GRID2: variants seen among roughly 807,000 people sequenced by gnomAD.
The protein encoded by GRID2 is glutamate receptor ionotropic, delta-2.
Under a neutral mutation model 114.8 loss-of-function variants are expected in GRID2, and 33 were observed. The ratio of observed to expected loss-of-function variants is 0.29; its 90% CI spans 0.22 to 0.38. The LOEUF (loss-of-function observed/expected upper bound fraction) is 0.38, where lower values mean the gene tolerates loss of function less well. Among genes scored for constraint, GRID2 ranks in the 10% least tolerant of loss-of-function variants. The pLI, the probability that GRID2 is intolerant of heterozygous loss-of-function variation, is 1.00. For synonymous variants in GRID2, 505 were observed against 449.9 expected, an observed-to-expected ratio of 1.12 and a Z score of -1.55; for missense variants, 1,184 against 1,257.7, an observed-to-expected ratio of 0.94 and a Z score of 0.89.
At chr4:92,915,277 C>T (rs756725121) in intron 2 of GRID2, among the ~76,000 whole-genome samples, 2 of 152,096 alleles carry the variant, frequency 1.3e-5, no homozygotes, top group African/African-American at 2.4e-5. Flanking sequence ...TAATGCCTAA[C>T]AGCATAGATT....
intron 2 of GRID2, among the ~76,000 whole-genome samples, chr4:92,952,196 A>C (rs890640442): frequency 6.6e-6 from 1 of 152,212 alleles, no homozygotes; most frequent in Non-Finnish European, 1.5e-5. Flanking sequence ...CATACTCATT[A>C]AGTGCCCTAA....
At chr4:93,464,656 T>A (rs11726929) in intron 11 of GRID2, among the ~76,000 whole-genome samples, 2 of 152,204 alleles carry the variant, frequency 1.3e-5, no homozygotes, top group Non-Finnish European at 2.9e-5. Flanking sequence ...TATATCAATG[T>A]CACTAGTGAA....
At chr4:92,762,120 G>A (rs1172994015) in intron 2 of GRID2, among the ~76,000 whole-genome samples, 1 of 151,782 alleles carries the variant, frequency 6.6e-6, no homozygotes, top group Non-Finnish European at 1.5e-5. Flanking sequence ...TCACCATTTT[G>A]GCCAGGATGG....
chr4:93,532,231 T>C (rs1731521941), intron 13 of GRID2, among the ~76,000 whole-genome samples: 2 of 152,184 alleles, frequency 1.3e-5, no homozygotes, highest in Non-Finnish European at 2.9e-5. Flanking sequence ...TTTAATCTCC[T>C]GAGTGTCTGG....
At chr4:92,917,471 G>T (rs183126994) in intron 2 of GRID2, among the ~76,000 whole-genome samples, 67 of 152,110 alleles carry the variant, frequency 4.4e-4, no homozygotes, top group African/African-American at 1.3e-3. Context: ...ATAGGTTTTC[G>T]TCTAGGGTTT....
intron 4 of GRID2, among the ~76,000 whole-genome samples, chr4:93,202,925 T>C (rs1246637648): frequency 1.3e-5 from 2 of 152,124 alleles, no homozygotes; most frequent in Admixed American, 6.5e-5. Flanking sequence ...TAAGTGCATA[T>C]ATGTTTCACT....
rs1739606555 is a variant in GRID2, at chr4:93,178,752, G to A, written c.736-28652G>A. Among the ~76,000 whole-genome samples, 3 of 149,586 alleles carry A rather than the reference G, an allele frequency of 2.0e-5. No homozygotes were observed. In the South Asian group the frequency reaches 6.4e-4, roughly 32 times the overall value. ...ATGCGATGTGTGTGAATGTGTGTGT[G>A]CGCTGAGATCATTTTAAGAAATGGA... On this transcript the variant is annotated intron_variant, in intron 4 of 15. Coordinates refer to ENST00000282020, the MANE Select transcript of GRID2 (RefSeq NM_001510.4).
At chr4:93,768,009 C>T (rs1207578642) in intron 14 of GRID2, among the ~76,000 whole-genome samples, 5 of 152,158 alleles carry the variant, frequency 3.3e-5, no homozygotes, top group African/African-American at 1.2e-4. Context: ...TCTGAACTGA[C>T]CCAGGAGCAC....
At chr4:92,999,696 A>G (rs373545336) in intron 2 of GRID2, among the ~76,000 whole-genome samples, 2 of 151,586 alleles carry the variant, frequency 1.3e-5, no homozygotes, top group Non-Finnish European at 3.0e-5. Flanking sequence ...CAACAAAGAA[A>G]TAAAATCTCT....
At chr4:93,373,623 C>A (rs936298049) in intron 8 of GRID2, among the ~76,000 whole-genome samples, 1 of 152,244 alleles carries the variant, frequency 6.6e-6, no homozygotes, top group Non-Finnish European at 1.5e-5. Context: ...AGTATGAATT[C>A]ATTTGTAACT....
chr4:93,684,103 C>G (rs1005400941), intron 14 of GRID2, among the ~76,000 whole-genome samples: 1 of 152,048 alleles, frequency 6.6e-6, no homozygotes, highest in Admixed American at 6.6e-5. Flanking sequence ...TTCATACACA[C>G]TCCAGAATAA....
intron 2 of GRID2, chr4:92,838,971 C>T (rs1403092153): frequency 6.6e-6 from 1 of 152,012 alleles, no homozygotes; most frequent in African/African-American, 2.4e-5. Flanking sequence ...AGCAACAATA[C>T]AAATAAAACA....
chr4:93,770,375 A>C (rs1016230868), intron 15 of GRID2, among the ~76,000 whole-genome samples: 1 of 152,182 alleles, frequency 6.6e-6, no homozygotes. Flanking sequence ...GCCTGAGGCA[A>C]CTCCTGAAAG....
chr4:93,534,469 T>G (rs1265755952), intron 13 of GRID2, among the ~76,000 whole-genome samples: 1 of 152,226 alleles, frequency 6.6e-6, no homozygotes, highest in East Asian at 1.9e-4. Context: ...TACCATTTTC[T>G]TAATTAACTG....
rs80118122 is a variant in GRID2, at chr4:92,884,604, G to A, written c.245-200391G>A. ...TTTCACTTGAATTCTTAGAGGCCACGGCAGGACTTTTCACTGGCCTAATTT... is the reference window on the plus strand; with the variant it reads ...TTTCACTTGAATTCTTAGAGGCCACAGCAGGACTTTTCACTGGCCTAATTT... On this transcript the variant is annotated intron_variant, in intron 2 of 15. Transcript: ENST00000282020. 6.1e-3 allele frequency: 972 copies of A among 158,162 alleles called. 8 individuals carry two copies. Among genetic ancestry groups the A allele is most frequent in the African/African-American group, 0.018 (768 of 41,534 alleles). The allele number at this position is 158,162 out of a possible 1,614,324, so 9.8% of individuals were successfully genotyped here. A position where few individuals can be genotyped will look rare whatever the true frequency, so the allele number is the denominator to read the frequency against.
chr4:92,953,225 G>A (rs182131070), intron 2 of GRID2, among the ~76,000 whole-genome samples: 7 of 152,252 alleles, frequency 4.6e-5, no homozygotes, highest in Admixed American at 4.6e-4. Flanking sequence ...GTTTGGGGAA[G>A]CCAATTCAAC....
At chr4:93,037,977 G>T (rs568909352) in intron 2 of GRID2, among the ~76,000 whole-genome samples, 1 of 152,122 alleles carries the variant, frequency 6.6e-6, no homozygotes. Context: ...AAAGTAGTTT[G>T]TTTCCAATTC....
chr4:93,421,717 T>C (rs558372116), intron 9 of GRID2, among the ~76,000 whole-genome samples: 73 of 152,272 alleles, frequency 4.8e-4, no homozygotes, highest in Middle Eastern at 6.8e-3. Context: ...GAGAAAATTG[T>C]ATATTATAGT....
intron 1 of GRID2, among the ~76,000 whole-genome samples, chr4:92,565,212 A>G (rs893162252): frequency 6.6e-6 from 1 of 152,058 alleles, no homozygotes; most frequent in African/African-American, 2.4e-5. Context: ...TTAAAAAATT[A>G]TTAGTTTTAT....
Sources: gnomAD v4.1 joint callset for allele counts (sites outside exome capture counted in the v4.1 genomes callset) on GRCh38, gnomAD v4.1.1 for gene constraint, MANE v1.5 for transcripts, NCBI Gene and HGNC (gene_info 2026-07-23, HGNC 2026-07-21) for gene names.